Variants in LOXHD1 observed in about 807,000 individuals in gnomAD.
LOXHD1 encodes the protein lipoxygenase homology PLAT domains 1.
Under a neutral mutation model 248.2 loss-of-function variants are expected in LOXHD1, and 205 were observed. The observed-to-expected ratio is 0.83, with a 90% CI of 0.74 to 0.93. The LOEUF is 0.93. Among genes scored for constraint, LOXHD1 ranks in the 40% least tolerant of loss-of-function variants. The pLI, the probability that LOXHD1 is intolerant of heterozygous loss-of-function variation, is 0.00. For synonymous variants in LOXHD1, 1,113 were observed against 1,162.8 expected (o/e 0.96, Z 0.87); for missense variants, 2,930 against 2,971.6 (o/e 0.99, Z 0.33).
chr18:46,509,744 A>G lies in LOXHD1; in HGVS notation c.5471T>C (p.Ile1824Thr), dbSNP rs1375390109. The G allele has an allele frequency of 1.3e-6, 2 of 1,551,546 alleles. No individual in the cohort carries two copies. Among genetic ancestry groups the G allele is most frequent in the Admixed American group, 3.9e-5 (2 of 50,996 alleles). ...CCGACTGCCCAGGCCATCAATCCGG[A>G]TCCGCATCTTGGTGAATGGAGCAAT... ...LDIAPFTKMR[I>T]RIDGLGSRPE... Residue 1824 changes from isoleucine to threonine, a missense_variant, in exon 35 of 41, where the codon ATC (isoleucine) becomes ACC (threonine). By Grantham distance (89) the Ile-to-Thr change is moderately conservative. Transcript: ENST00000642948.
At chr18:46,524,429 C>G in intron 31 of LOXHD1, 37 bp downstream of exon 31, 4 of 1,539,792 alleles carry the variant, frequency 2.6e-6, no homozygotes, top group Non-Finnish European at 3.5e-6. Context: ...TTTCCATGTG[C>G]CTGGCCCCCG....
intron 21 of LOXHD1, chr18:46,555,449 TGAGCTGTGG>T (rs2037285379): frequency 3.3e-5 from 6 of 183,036 alleles, no homozygotes; most frequent in African/African-American, 1.6e-4. Flanking sequence ...GGGCTGTCTG[TGAGCTGTGG>T]TTCAGTGTTC....
At chr18:46,639,941 T>C (rs2038942666) in intron 3 of LOXHD1, 141 bp from the exon 4 acceptor site, 2 of 1,023,972 alleles carry the variant, frequency 2.0e-6, no homozygotes. Flanking sequence ...GAACCTCGGT[T>C]TCCTCATCTA....
chr18:46,511,346 G>A, intron 34 of LOXHD1, among the ~76,000 whole-genome samples: 1 of 152,134 alleles, frequency 6.6e-6, no homozygotes. Context: ...TTTGATCCAG[G>A]CCTTCTGCCC....
chr18:46,512,550 T>C (rs964670396), intron 34 of LOXHD1, among the ~76,000 whole-genome samples: 1 of 152,136 alleles, frequency 6.6e-6, no homozygotes, highest in African/African-American at 2.4e-5. Context: ...CTATTGCAAT[T>C]CCCCTGCTTT....
At chr18:46,630,174 T>A (rs2038801902) in intron 4 of LOXHD1, among the ~76,000 whole-genome samples, 1 of 152,204 alleles carries the variant, frequency 6.6e-6, no homozygotes, top group Non-Finnish European at 1.5e-5. Flanking sequence ...TCTGAAACAT[T>A]TCTGAGCTGT....
intron 8 of LOXHD1, among the ~76,000 whole-genome samples, chr18:46,596,228 C>T (rs199867759): frequency 0.028 from 4,214 of 152,024 alleles, 207 homozygotes; most frequent in African/African-American, 0.097. Flanking sequence ...TAGTCCAGAA[C>T]TAGGTAGCCT....
At chr18:46,484,994 C>CG in intron 39 of LOXHD1, 25 bp downstream of exon 39, 1 of 1,545,790 alleles carries the variant, frequency 6.5e-7, no homozygotes, top group East Asian at 2.5e-5. Flanking sequence ...CCCCCCACCA[C>CG]TTCCCATGGG....
At chr18:46,495,559 C>T (rs963656689) in intron 37 of LOXHD1, among the ~76,000 whole-genome samples, 4 of 152,148 alleles carry the variant, frequency 2.6e-5, no homozygotes, top group African/African-American at 7.2e-5. Flanking sequence ...TCAATGTTAG[C>T]ACCAATAATA....
chr18:46,551,304 C>T (rs1220321568), intron 21 of LOXHD1, among the ~76,000 whole-genome samples: 1 of 152,084 alleles, frequency 6.6e-6, no homozygotes, highest in East Asian at 1.9e-4. Context: ...GGGGTTTCAC[C>T]GTGTTAGCCA....
At chr18:46,581,219 C>T (rs1238408819) in intron 12 of LOXHD1, among the ~76,000 whole-genome samples, 1 of 152,032 alleles carries the variant, frequency 6.6e-6, no homozygotes, top group East Asian at 1.9e-4. Flanking sequence ...GGAGGTGCAA[C>T]AGAAGTGGAG....
intron 12 of LOXHD1, among the ~76,000 whole-genome samples, chr18:46,581,701 A>G (rs1409412221): frequency 6.6e-6 from 1 of 151,830 alleles, no homozygotes; most frequent in African/African-American, 2.4e-5. Context: ...CAACATGTTC[A>G]ACAAACTCCA....
intron 21 of LOXHD1, among the ~76,000 whole-genome samples, chr18:46,554,264 G>A (rs2037229342): frequency 6.6e-6 from 1 of 152,206 alleles, no homozygotes; most frequent in African/African-American, 2.4e-5. Flanking sequence ...CAGGGCATGA[G>A]TGGCAGAGAG....
At chr18:46,479,949 C>A (rs1309976520) in intron 40 of LOXHD1, among the ~76,000 whole-genome samples, 1 of 152,012 alleles carries the variant, frequency 6.6e-6, no homozygotes, top group Non-Finnish European at 1.5e-5. Context: ...AGAGCCAGAG[C>A]CTGCCTGGCC....
chr18:46,551,498 A>C (rs2037104356), intron 21 of LOXHD1, among the ~76,000 whole-genome samples: 1 of 151,982 alleles, frequency 6.6e-6, no homozygotes, highest in African/African-American at 2.4e-5. Context: ...CAACCCTTAG[A>C]CTCCAGGAAT....
At chr18:46,615,426 G>A (rs12606021) in intron 5 of LOXHD1, among the ~76,000 whole-genome samples, 26,149 of 152,200 alleles carry the variant, frequency 0.17, 2,674 homozygotes, top group East Asian at 0.43. Flanking sequence ...CCGGGTGGTG[G>A]TGGTGGTGAT....
rs867938755 is a variant in LOXHD1 at position 46,593,632 on chromosome 18, A to T, written c.1399T>A (p.Trp467Arg). The T allele has an allele frequency of 6.4e-7, 1 of 1,552,216 alleles. No homozygotes were observed. Among genetic ancestry groups the T allele is most frequent in the Admixed American group, 2.0e-5 (1 of 50,996 alleles). Residue 467 changes from tryptophan (W) to arginine (R), a missense_variant, in exon 10 of 41, where the codon TGG (tryptophan) becomes AGG (arginine). Trp to Arg is a moderately radical substitution (Grantham distance 101, BLOSUM62 -3). Transcript: ENST00000642948. ...TTCTCGATTATGCCGGGTTTGAACCACTTGTTGTTGGGATTCAGGAGAATC... is the reference window on the plus strand; with the variant it reads ...TTCTCGATTATGCCGGGTTTGAACCTCTTGTTGTTGGGATTCAGGAGAATC... ...DEILLNPNNK[W>R]FKPGIIEKFR...
chr18:46,567,774 C>T (rs74985766), intron 16 of LOXHD1, among the ~76,000 whole-genome samples: 1,868 of 152,264 alleles, frequency 0.012, 23 homozygotes, highest in Middle Eastern at 0.058. Flanking sequence ...CGGAGGCAAA[C>T]AGAGGTTAAA....
Position 46,649,378 on chromosome 18 carries a change from T to C in LOXHD1, c.131-109A>G, listed in dbSNP as rs1224320205. 4 of 859,350 alleles carry C rather than the reference T, an allele frequency of 4.7e-6. No individual in the cohort carries two copies. In the African/African-American group the frequency reaches 6.8e-5, roughly 15 times the overall value. The allele number at this position is 859,350 out of a possible 1,614,324, so 53.2% of individuals were successfully genotyped here. A position where few individuals can be genotyped will look rare whatever the true frequency, so the allele number is the denominator to read the frequency against. ...GGGGAGGCCCAAGCACAAAGGACTC[T>C]TGGAATCCCTGCTGCATCCTGTAGG... On this transcript the variant is annotated intron_variant, in intron 1 of 40. Coordinates refer to ENST00000642948, the MANE Select transcript of LOXHD1 (RefSeq NM_001384474.1).
Sources: allele counts gnomAD v4.1 joint callset (sites outside exome capture counted in the v4.1 genomes callset), GRCh38; gene constraint gnomAD v4.1.1; transcripts MANE v1.5; gene names NCBI Gene and HGNC (gene_info 2026-07-23, HGNC 2026-07-21).